Variants in SGCZ observed in about 807,000 individuals in gnomAD.
SGCZ encodes zeta-sarcoglycan.
A neutral mutation model predicts 41.3 loss-of-function variants in SGCZ; 40 were observed. The observed-to-expected ratio is 0.97, with a 90% CI of 0.75 to 1.26. SGCZ has a LOEUF of 1.26. Among genes scored for constraint, SGCZ ranks in the 50% most tolerant of loss-of-function variants. The probability of loss-of-function intolerance (pLI) is 0.00; values close to 1 mark genes in which losing one functional copy is unlikely to be tolerated. For missense variants in SGCZ, 552 were observed against 369.8 expected (o/e 1.49, Z -4.04); for synonymous variants, 206 against 137.5 (o/e 1.50, Z -3.49).
intron 2 of SGCZ, among the ~76,000 whole-genome samples, chr8:14,460,323 C>G (rs1186004331): frequency 2.0e-5 from 3 of 152,110 alleles, no homozygotes; most frequent in East Asian, 1.9e-4. Context: ...ATTGAAAACT[C>G]AAAAGCCTAA....
intron 2 of SGCZ, among the ~76,000 whole-genome samples, chr8:14,479,359 C>T (rs1801456620): frequency 6.6e-6 from 1 of 152,160 alleles, no homozygotes; most frequent in African/African-American, 2.4e-5. Flanking sequence ...CTCGTATTTC[C>T]TCTTTGCTCC....
intron 1 of SGCZ, among the ~76,000 whole-genome samples, chr8:15,047,571 G>A (rs1487202637): frequency 2.0e-5 from 3 of 151,960 alleles, no homozygotes; most frequent in African/African-American, 7.2e-5. Flanking sequence ...CTAAGAGTTT[G>A]AATTTCCCTC....
intron 1 of SGCZ, among the ~76,000 whole-genome samples, chr8:14,964,654 C>G (rs570702953): frequency 6.6e-6 from 1 of 152,016 alleles, no homozygotes; most frequent in African/African-American, 2.4e-5. Context: ...TTGAAACAAG[C>G]GTTATGGTTC....
intron 1 of SGCZ, among the ~76,000 whole-genome samples, chr8:14,939,379 T>A (rs58903685): frequency 0.2 from 30,297 of 152,048 alleles, 4,086 homozygotes; most frequent in African/African-American, 0.39. Flanking sequence ...ATGGTCAGGA[T>A]TGAAATTCCC....
At chr8:14,635,564 T>G (rs974684453) in intron 1 of SGCZ, among the ~76,000 whole-genome samples, 2 of 151,932 alleles carry the variant, frequency 1.3e-5, no homozygotes, top group Non-Finnish European at 2.9e-5. Context: ...AAATAATTCG[T>G]AAGTTTTAAA....
chr8:14,748,402 A>G (rs962624526), intron 1 of SGCZ, among the ~76,000 whole-genome samples: 1 of 152,188 alleles, frequency 6.6e-6, no homozygotes, highest in Admixed American at 6.5e-5. Flanking sequence ...TTTCATCCTG[A>G]CTTCTATCCT....
At chr8:14,232,938 C>T (rs1806623727) in intron 4 of SGCZ, among the ~76,000 whole-genome samples, 2 of 151,986 alleles carry the variant, frequency 1.3e-5, no homozygotes, top group Admixed American at 6.6e-5. Context: ...CCCAATTCAC[C>T]TTAATGTTTT....
intron 5 of SGCZ, among the ~76,000 whole-genome samples, chr8:14,155,996 T>G (rs1431240729): frequency 2.6e-5 from 4 of 152,018 alleles, no homozygotes; most frequent in Admixed American, 6.6e-5. Context: ...AATAATGATA[T>G]AAAAGATTAA....
intron 1 of SGCZ, among the ~76,000 whole-genome samples, chr8:14,792,150 T>A (rs1049540921): frequency 6.6e-6 from 1 of 152,204 alleles, no homozygotes; most frequent in Non-Finnish European, 1.5e-5. Context: ...TAGAAAGGTG[T>A]GATAAATACA....
intron 1 of SGCZ, among the ~76,000 whole-genome samples, chr8:15,022,342 T>G (rs1347320432): frequency 6.6e-6 from 1 of 152,068 alleles, no homozygotes; most frequent in East Asian, 1.9e-4. Context: ...TTTTTTAATT[T>G]TATTTATTTA....
At chr8:14,607,753 G>A (rs554033103) in intron 1 of SGCZ, among the ~76,000 whole-genome samples, 33 of 152,264 alleles carry the variant, frequency 2.2e-4, no homozygotes, top group African/African-American at 7.5e-4. Flanking sequence ...AGAGGAACAA[G>A]GTTTTCAGCT....
chr8:14,661,550 G>A (rs1013884428), intron 1 of SGCZ, among the ~76,000 whole-genome samples: 6 of 152,222 alleles, frequency 3.9e-5, no homozygotes, highest in African/African-American at 1.4e-4. Flanking sequence ...TTAGGTTAGG[G>A]TGTCAACAAT....
intron 1 of SGCZ, among the ~76,000 whole-genome samples, chr8:15,134,046 C>T (rs902282074): frequency 6.6e-6 from 1 of 152,066 alleles, no homozygotes; most frequent in African/African-American, 2.4e-5. Flanking sequence ...GATTAAGACA[C>T]TTAATAAAAT....
intron 5 of SGCZ, among the ~76,000 whole-genome samples, chr8:14,127,242 C>T (rs1181268170): frequency 6.6e-6 from 1 of 152,088 alleles, no homozygotes; most frequent in Admixed American, 6.6e-5. Flanking sequence ...TCCCGTTCTG[C>T]CACTGATAGC....
rs1805028048 is a variant in SGCZ, at chr8:15,063,885, C to A, written c.39+173700G>T. ...TTCATTTTTCTTAGGTCATTTCATG[C>A]CTAAGGCTTACAGTCGAGTGTTGCC... is the stretch of plus-strand genomic sequence containing the variant. On this transcript the variant is annotated intron_variant, in intron 1 of 7. Coordinates refer to ENST00000382080, the MANE Select transcript of SGCZ (RefSeq NM_139167.4). Among the ~76,000 whole-genome samples the A allele has an allele frequency of 1.3e-5, 2 of 152,110 alleles. 1 individual carries two copies. The highest frequency in any genetic ancestry group is 4.1e-4 in the South Asian group (2 of 4,830).
chr8:14,554,837 T>A lies in SGCZ; in HGVS notation c.129A>T (p.Gly43=). The A allele has an allele frequency of 6.2e-7, 1 of 1,613,324 alleles. No individual in the cohort carries two copies. The highest frequency in any genetic ancestry group is 1.1e-5 in the South Asian group (1 of 91,066). The change falls in exon 2 of 8, where the codon GGA becomes GGT. Residue 43 remains glycine, a synonymous_variant. Coordinates refer to ENST00000382080, the MANE Select transcript of SGCZ (RefSeq NM_139167.4). The stretch of plus-strand genomic sequence containing the variant: ...AGAAGTATAAGCACCTCTTTCGCCA[T>A]CCATAAATTCCCACTGGGTAAAGTT... ...NAQLYPVGIY[G]WRKRCLYFFV...
chr8:14,646,790 C>G (rs1807236386), intron 1 of SGCZ, among the ~76,000 whole-genome samples: 1 of 149,994 alleles, frequency 6.7e-6, no homozygotes, highest in Non-Finnish European at 1.5e-5. Context: ...TTCATATATT[C>G]ATTCAAAACA....
intron 1 of SGCZ, among the ~76,000 whole-genome samples, chr8:15,040,187 G>T (rs1398534987): frequency 6.6e-6 from 1 of 152,194 alleles, no homozygotes; most frequent in Non-Finnish European, 1.5e-5. Context: ...AATACTAATG[G>T]TTCTAAAGCA....
intron 1 of SGCZ, among the ~76,000 whole-genome samples, chr8:15,123,068 G>A (rs1807546680): frequency 6.6e-6 from 1 of 152,138 alleles, no homozygotes; most frequent in Non-Finnish European, 1.5e-5. Flanking sequence ...GTACTGCTCT[G>A]TAACTAGAAA....
Sources: gnomAD v4.1 joint callset for allele counts (sites outside exome capture counted in the v4.1 genomes callset) on GRCh38, gnomAD v4.1.1 for gene constraint, MANE v1.5 for transcripts, NCBI Gene and HGNC (gene_info 2026-07-23, HGNC 2026-07-21) for gene names.